Variants in OR9G1 observed in about 807,000 individuals in gnomAD.
OR9G1 encodes olfactory receptor family 9 subfamily G member 1, also known as olfactory receptor 9G1.
In OR9G1, 21 loss-of-function variants were observed where a neutral mutation model predicts 14.5. The ratio of observed to expected loss-of-function variants is 1.45; its 90% CI spans 1.03 to 2.09. OR9G1 has a LOEUF of 2.09. OR9G1 is among the 30% of genes most tolerant of loss of function. The pLI is 0.00. For missense variants in OR9G1, 476 were observed against 364.2 expected, an observed-to-expected ratio of 1.31 and a Z score of -2.50; for synonymous variants, 179 against 153.3, an observed-to-expected ratio of 1.17 and a Z score of -1.24.
At position 56,701,005 on chromosome 11, in the gene OR9G1, C is replaced by T; in HGVS notation, c.618C>T (p.Val206=). 6.2e-7 allele frequency: 1 copy of T among 1,614,262 alleles called. No homozygotes were observed. Among genetic ancestry groups the T allele is most frequent in the Non-Finnish European group, 8.5e-7 (1 of 1,180,008 alleles). The change falls in exon 2 of 2, where the codon GTC becomes GTT. Residue 206 remains valine (V), a synonymous_variant. Transcript: ENST00000642097. ...IMMYFLLASN[V]ICPAVLILAS... ...TGTACTTCCTGCTGGCCTCCAATGTCATCTGCCCCGCAGTGCTCATCCTGG... is the reference window on the plus strand; with the variant it reads ...TGTACTTCCTGCTGGCCTCCAATGTTATCTGCCCCGCAGTGCTCATCCTGG...
intron 1 of OR9G1, among the ~76,000 whole-genome samples, chr11:56,699,863 T>G (rs1311326619): frequency 6.6e-6 from 1 of 151,674 alleles, no homozygotes; most frequent in Non-Finnish European, 1.5e-5. Context: ...GTATCTATTC[T>G]CTTTTCCCTT....
At position 56,701,198 on chromosome 11, in the gene OR9G1, A is replaced by G; in HGVS notation, c.811A>G (p.Lys271Glu). Residue 271 changes from lysine to glutamate, a missense_variant, in exon 2 of 2, where the codon AAA becomes GAA. Around this residue, in one of 3 missense-constraint regions of OR9G1, gnomAD observed 352 missense variants for 211.6 expected, o/e 1.66. Coordinates refer to ENST00000642097, the MANE Select transcript of OR9G1 (RefSeq NM_001005213.2). ...PRSSYSFDMD[K>E]IVSTFYTVVF... ...ATCTAGCTATTCTTTTGATATGGAC[A>G]AAATAGTTTCTACATTTTACACTGT... 6.2e-7 allele frequency: 1 copy of G among 1,614,296 alleles called. No homozygotes were observed.
rs374491176 is a variant in OR9G1 at position 56,700,810 on chromosome 11, A to G, written c.423A>G (p.Ala141=). Residue 141 remains alanine, a synonymous_variant, in exon 2 of 2, where the codon GCA becomes GCG. Transcript: ENST00000642097. Reference sequence around the variant, plus strand: ...AGGCCATGTCCATAAAGCTGTGTGCATTGCTGGTAGCAGTCTCATATTGTG... The same window carrying G: ...AGGCCATGTCCATAAAGCTGTGTGCGTTGCTGGTAGCAGTCTCATATTGTG... The part of the protein sequence containing the change: ...YAQAMSIKLC[A]LLVAVSYCGG... 85 of 1,614,158 alleles carry G rather than the reference A, an allele frequency of 5.3e-5. No individual in the cohort carries two copies. Among genetic ancestry groups the G allele is most frequent in the Non-Finnish European group, 4.5e-5 (53 of 1,180,050 alleles).
chr11:56,700,858 C>A lies in OR9G1; in HGVS notation c.471C>A (p.Ile157=), dbSNP rs761483282. 14 of 1,614,130 alleles carry A rather than the reference C, an allele frequency of 8.7e-6. No homozygotes were observed. The Admixed American group carries it at 2.3e-4, about 27-fold the overall frequency. ...SYCGGFINSS[I]ITKKTFSFNF... is the part of the protein sequence containing the mutation. The stretch of plus-strand genomic sequence containing the variant: ...GTGGTGGCTTTATTAACTCTTCAAT[C>A]ATCACCAAGAAAACGTTTTCCTTTA... The change falls in exon 2 of 2, where the codon ATC becomes ATA. Residue 157 remains isoleucine (I), a synonymous_variant. Coordinates refer to ENST00000642097, the MANE Select transcript of OR9G1 (RefSeq NM_001005213.2).
At position 56,700,508 on chromosome 11, in the gene OR9G1, A is replaced by G; in HGVS notation, c.121A>G (p.Asn41Asp). The G allele has an allele frequency of 6.2e-7, 1 of 1,614,320 alleles. No homozygotes were observed. The highest frequency in any genetic ancestry group is 8.5e-7 in the Non-Finnish European group (1 of 1,180,058). Residue 41 changes from asparagine (N) to aspartate (D), a missense_variant, in exon 2 of 2, where the codon AAT becomes GAT. Coordinates refer to ENST00000642097, the MANE Select transcript of OR9G1 (RefSeq NM_001005213.2). ...CGTGTACTCTCTCACTGTGGTAGGAAATAGCACCCTCATCGTGTTGATCTG... is the reference window on the plus strand; with the variant it reads ...CGTGTACTCTCTCACTGTGGTAGGAGATAGCACCCTCATCGTGTTGATCTG... ...LGVYSLTVVG[N>D]STLIVLICND...
rs1857636532 is a variant in OR9G1 at position 56,701,656 on chromosome 11, T to C, written c.*351T>C. 4.3e-6 allele frequency: 1 copy of C among 233,538 alleles called. No homozygotes were observed. The highest frequency in any genetic ancestry group is 8.2e-6 in the Non-Finnish European group (1 of 122,664). The allele number at this position is 233,538 out of a possible 1,614,324, so 14.5% of individuals were successfully genotyped here. ...TATAGTTCCTAGAACTAGGAAGAAT[T>C]GTGCTCAATTTTTAATATTTTCCTA... On this transcript the variant is annotated 3_prime_UTR_variant, in exon 2 of 2. Transcript: ENST00000642097.
chr11:56,700,555 A>T lies in OR9G1; in HGVS notation c.168A>T (p.Thr56=). The T allele has an allele frequency of 6.2e-7, 1 of 1,614,314 alleles. No homozygotes were observed. The highest frequency in any genetic ancestry group is 1.3e-5 in the African/African-American group (1 of 75,088). ...TCTGTAATGACTCCTGCCTCCACAC[A>T]CCCATGTATTTTTTCACTGGAAATC... ...VLICNDSCLH[T]PMYFFTGNLS... The change falls in exon 2 of 2, where the codon ACA becomes ACT. Residue 56 remains threonine (T), a synonymous_variant. Coordinates refer to ENST00000642097, the MANE Select transcript of OR9G1 (RefSeq NM_001005213.2).
chr11:56,701,342 A>T lies in OR9G1; in HGVS notation c.*37A>T. ...CTCCACCAGAGGAGAAACAAAGACG[A>T]CCTTAGATGGAGTGTTGTGTATTTC... On this transcript the variant is annotated 3_prime_UTR_variant, in exon 2 of 2. Coordinates refer to ENST00000642097, the MANE Select transcript of OR9G1 (RefSeq NM_001005213.2). 1.9e-6 allele frequency: 3 copies of T among 1,552,998 alleles called. No individual in the cohort carries two copies. Among genetic ancestry groups the T allele is most frequent in the South Asian group, 2.5e-5 (2 of 79,838 alleles).
At chr11:56,699,405 ACAT>A (rs1424754617) in intron 1 of OR9G1, among the ~76,000 whole-genome samples, 7 of 152,310 alleles carry the variant, frequency 4.6e-5, no homozygotes, top group South Asian at 4.1e-4. Flanking sequence ...CTGTTTACTA[ACAT>A]TGATGTTTAT....
chr11:56,700,495 C>A lies in OR9G1; in HGVS notation c.108C>A (p.Leu36=). The change falls in exon 2 of 2, where the codon CTC becomes CTA. Residue 36 remains leucine, a synonymous_variant. Transcript: ENST00000642097. The part of the protein sequence containing the change: ...LFVVFLGVYS[L]TVVGNSTLIV... ...TGGTGTTCCTGGGCGTGTACTCTCT[C>A]ACTGTGGTAGGAAATAGCACCCTCA... 1.9e-6 allele frequency: 3 copies of A among 1,614,322 alleles called. No homozygotes were observed. Among genetic ancestry groups the A allele is most frequent in the Non-Finnish European group, 2.5e-6 (3 of 1,180,060 alleles).
chr11:56,701,263 G>T lies in OR9G1; in HGVS notation c.876G>T (p.Arg292Ser). Residue 292 changes from arginine (R) to serine (S), a missense_variant, in exon 2 of 2, where the codon AGG (arginine) becomes AGT (serine). This residue lies in a region of OR9G1 where 352 missense variants were observed against 211.6 expected (regional missense o/e 1.66). Coordinates refer to ENST00000642097, the MANE Select transcript of OR9G1 (RefSeq NM_001005213.2). ...TGAATCTCATGATCTACAGCCTAAG[G>T]AATAAGGATGTGAAAGAGGCTCTGA... ...PMLNLMIYSL[R>S]NKDVKEALKK... 1 of 1,613,058 alleles carries T rather than the reference G, an allele frequency of 6.2e-7. No individual in the cohort carries two copies. The highest frequency in any genetic ancestry group is 8.5e-7 in the Non-Finnish European group (1 of 1,179,740).
In OR9G1 at chr11:56,701,464, CA is replaced by C; in HGVS notation, c.*164del. The C allele has an allele frequency of 1.1e-6, 1 of 892,608 alleles. No homozygotes were observed. The highest frequency in any genetic ancestry group is 1.9e-5 in the African/African-American group (1 of 51,998). The allele number at this position is 892,608 out of a possible 1,614,324, so 55.3% of individuals were successfully genotyped here. On this transcript the variant is annotated 3_prime_UTR_variant, in exon 2 of 2. Coordinates refer to ENST00000642097, the MANE Select transcript of OR9G1 (RefSeq NM_001005213.2). Reference sequence around the variant, plus strand: ...ATAAGAAAATTAGGAAAATTTCGGACAAAAACATCTGAATATATAAGAATTT... The same window carrying C: ...ATAAGAAAATTAGGAAAATTTCGGACAAAACATCTGAATATATAAGAATTT...
rs775652436 is a variant in OR9G1, at chr11:56,700,864, C to G, written c.477C>G (p.Thr159=). Residue 159 remains threonine (T), a synonymous_variant, in exon 2 of 2, where the codon ACC becomes ACG. Transcript: ENST00000642097. ...CGGFINSSII[T]KKTFSFNFCR... ...GCTTTATTAACTCTTCAATCATCAC[C>G]AAGAAAACGTTTTCCTTTAACTTCT... The G allele has an allele frequency of 3.1e-6, 5 of 1,614,242 alleles. No individual in the cohort carries two copies. The highest frequency in any genetic ancestry group is 4.2e-6 in the Non-Finnish European group (5 of 1,179,994).
In OR9G1 at chr11:56,702,605, T is replaced by A. The variant is rs906429710; in HGVS notation, c.*1300T>A. On this transcript the variant is annotated 3_prime_UTR_variant, in exon 2 of 2. Transcript: ENST00000642097. ...ATGACCATTGTAATATAATGCATAA[T>A]GTATAATATACGAAGTGATATTTCA... 6.7e-5 allele frequency: 2 copies of A among 30,072 alleles called. No homozygotes were observed. Among genetic ancestry groups the A allele is most frequent in the African/African-American group, 2.4e-4 (2 of 8,264 alleles). 1.9% of individuals were successfully genotyped at this position (30,072 alleles called of 1,614,324 possible). A position where few individuals can be genotyped will look rare whatever the true frequency, so the allele number is the denominator to read the frequency against.
At position 56,702,618 on chromosome 11, in the gene OR9G1, A is replaced by G. The variant is rs558390860; in HGVS notation, c.*1313A>G. On this transcript the variant is annotated 3_prime_UTR_variant, in exon 2 of 2. Coordinates refer to ENST00000642097, the MANE Select transcript of OR9G1 (RefSeq NM_001005213.2). ...TATAATGCATAATGTATAATATACGAAGTGATATTTCATTATGATAAGTGA... is the reference window on the plus strand; with the variant it reads ...TATAATGCATAATGTATAATATACGGAGTGATATTTCATTATGATAAGTGA... 2.0e-5 allele frequency: 3 copies of G among 152,248 alleles called. No homozygotes were observed. Among genetic ancestry groups the G allele is most frequent in the Non-Finnish European group, 4.4e-5 (3 of 68,022 alleles). 9.4% of individuals were successfully genotyped at this position (152,248 alleles called of 1,614,324 possible).
In OR9G1 at chr11:56,701,461, G is replaced by T; in HGVS notation, c.*156G>T. 1 of 1,057,948 alleles carries T rather than the reference G, an allele frequency of 9.5e-7. No homozygotes were observed. The highest frequency in any genetic ancestry group is 2.1e-5 in the South Asian group (1 of 48,372). The allele number at this position is 1,057,948 out of a possible 1,614,324, so 65.5% of individuals were successfully genotyped here. ...ACAATAAGAAAATTAGGAAAATTTC[G>T]GACAAAAACATCTGAATATATAAGA... On this transcript the variant is annotated 3_prime_UTR_variant, in exon 2 of 2. Transcript: ENST00000642097.
rs1199851186 is a variant in OR9G1 at position 56,701,121 on chromosome 11, C to T, written c.734C>T (p.Thr245Ile). 1.7e-5 allele frequency: 27 copies of T among 1,614,196 alleles called. No homozygotes were observed. The highest frequency in any genetic ancestry group is 2.2e-5 in the South Asian group (2 of 91,096). ...TTCTCCACATGCTCCTCCCACCTGA[C>T]CTCTGTCACTTTATACTATGGCTCC... ...KAFSTCSSHL[T>I]SVTLYYGSIL... The change falls in exon 2 of 2, where the codon ACC (threonine) becomes ATC (isoleucine). Residue 245 changes from threonine to isoleucine, a missense_variant. By Grantham distance (89) the Thr-to-Ile change is moderately conservative. Around this residue, in one of 3 missense-constraint regions of OR9G1, gnomAD observed 352 missense variants for 211.6 expected, o/e 1.66. Transcript: ENST00000642097.
rs1173580518 is a variant in OR9G1, at chr11:56,701,081, G to A, written c.694G>A (p.Gly232Ser). ...TGTCTTGAGGATCTCCTCCTCCAAG[G>A]GCTACCTCAAAGCCTTCTCCACATG... ...TSVLRISSSK[G>S]YLKAFSTCSS... Residue 232 changes from glycine to serine, a missense_variant, in exon 2 of 2, where the codon GGC becomes AGC. Gly to Ser is a moderately conservative substitution (Grantham distance 56). Transcript: ENST00000642097. 4 of 1,614,294 alleles carry A rather than the reference G, an allele frequency of 2.5e-6. No homozygotes were observed. The highest frequency in any genetic ancestry group is 1.1e-5 in the South Asian group (1 of 91,092).
chr11:56,699,738 ATTATT>A (rs1857575861), intron 1 of OR9G1, among the ~76,000 whole-genome samples: 1 of 151,142 alleles, frequency 6.6e-6, no homozygotes, highest in Admixed American at 6.6e-5. Flanking sequence ...TGGTGTTTCA[ATTATT>A]GTTATTATTG....
Sources: allele counts gnomAD v4.1 joint callset (sites outside exome capture counted in the v4.1 genomes callset), GRCh38; gene constraint gnomAD v4.1.1; regional missense constraint gnomAD v4.1.1; transcripts MANE v1.5; gene names NCBI Gene and HGNC (gene_info 2026-07-23, HGNC 2026-07-21).